AGAP1: variants seen among roughly 807,000 people sequenced by gnomAD.
AGAP1 encodes the protein ArfGAP with GTPase domain, ankyrin repeat and PH domain 1, also known as arf-GAP with GTPase, ANK repeat and PH domain-containing protein 1.
A neutral mutation model predicts 105.3 loss-of-function variants in AGAP1; 29 were observed. The observed-to-expected ratio is 0.28, with a 90% CI of 0.21 to 0.38. The LOEUF (loss-of-function observed/expected upper bound fraction) is 0.38, where lower values mean the gene tolerates loss of function less well. Ranked by LOEUF, AGAP1 falls within the 10% of genes least tolerant of loss-of-function variation. AGAP1 has a pLI of 1.00. For synonymous variants in AGAP1, 509 were observed against 485.9 expected (o/e 1.05, Z -0.63); for missense variants, 998 against 1,165.1 (o/e 0.86, Z 2.09).
chr2:235,837,394 A>G (rs898467719), intron 9 of AGAP1, among the ~76,000 whole-genome samples: 4 of 152,260 alleles, frequency 2.6e-5, no homozygotes, highest in Non-Finnish European at 4.4e-5. Context: ...AAGGATCCAG[A>G]TACACAGTTG....
Position 235,535,280 on chromosome 2 carries a change from T to C in AGAP1, c.163+40431T>C, listed in dbSNP as rs747761351. Among the ~76,000 whole-genome samples, 2 of 152,172 alleles carry C rather than the reference T, an allele frequency of 1.3e-5. No homozygotes were observed. Among genetic ancestry groups the C allele is most frequent in the African/African-American group, 4.8e-5 (2 of 41,440 alleles). On this transcript the variant is annotated intron_variant, in intron 1 of 17. Transcript: ENST00000304032. This position sits in a 1 kb window ranked among gnomAD's most constrained non-coding sequence, Gnocchi z 5.1. ...GCCTCCCGTTTCATCTGCACGTCTC[T>C]TTCAATGCGGGCGTGCGAACTTCCA... is the stretch of plus-strand genomic sequence containing the variant.
In AGAP1 at chr2:235,883,540, T is replaced by A; in HGVS notation, c.1155+91T>A. 1.9e-6 allele frequency: 2 copies of A among 1,065,942 alleles called. No homozygotes were observed. 66.0% of individuals were successfully genotyped at this position (1,065,942 alleles called of 1,614,324 possible). A position where few individuals can be genotyped will look rare whatever the true frequency, so the allele number is the denominator to read the frequency against. ...AACCTACCAGCAGCCCAGCCTCTTG[T>A]CTCTGTTTGAAGTGAAAGTCGTATT... On this transcript the variant is annotated intron_variant, in intron 10 of 17. Coordinates refer to ENST00000304032, the MANE Select transcript of AGAP1 (RefSeq NM_001037131.3). This position sits in a 1 kb window ranked among gnomAD's most constrained non-coding sequence, Gnocchi z 4.5.
intron 1 of AGAP1, among the ~76,000 whole-genome samples, chr2:235,618,684 AATTATT>A (rs1237305597): frequency 2.0e-5 from 3 of 152,172 alleles, no homozygotes; most frequent in Non-Finnish European, 4.4e-5. Flanking sequence ...GGCTGTTAAT[AATTATT>A]ATTACTGAGC....
At chr2:235,496,763 GAA>G (rs10701236) in intron 1 of AGAP1, among the ~76,000 whole-genome samples, 169 of 150,598 alleles carry the variant, frequency 1.1e-3, no homozygotes, top group Non-Finnish European at 1.9e-3. Context: ...TCCCTTAAAA[GAA>G]AAAAAAAATG....
Position 235,884,452 on chromosome 2 carries a change from G to GTTTT in AGAP1, c.1155+1017_1155+1020dup, listed in dbSNP as rs35976413. 6.0e-3 allele frequency among the ~76,000 whole-genome samples: 743 copies of GTTTT among 124,634 alleles called. 19 individuals are homozygous for GTTTT. The highest frequency in any genetic ancestry group is 0.022 in the African/African-American group (693 of 31,914). 81.8% of individuals were successfully genotyped at this position (124,634 alleles called of 152,430 possible). ...CTGTTGTATTAGGTTATTTTTCACT[G>GTTTT]TTTTTTTTTTTTTTTTTGAGAGGAG... On this transcript the variant is annotated intron_variant, in intron 10 of 17. Coordinates refer to ENST00000304032, the MANE Select transcript of AGAP1 (RefSeq NM_001037131.3).
At chr2:235,897,654 A>G (rs895944254) in intron 10 of AGAP1, among the ~76,000 whole-genome samples, 2 of 152,192 alleles carry the variant, frequency 1.3e-5, no homozygotes, top group African/African-American at 4.8e-5. Context: ...ATTGAGGCCA[A>G]AAATTCTTAC....
intron 8 of AGAP1, among the ~76,000 whole-genome samples, chr2:235,803,042 G>T (rs1957635698): frequency 6.7e-6 from 1 of 148,890 alleles, no homozygotes; most frequent in Non-Finnish European, 1.5e-5. Context: ...TGATGGTGAT[G>T]ATGGTTGTGG....
intron 1 of AGAP1, among the ~76,000 whole-genome samples, chr2:235,656,274 T>C (rs1167563241): frequency 1.3e-5 from 2 of 152,244 alleles, no homozygotes; most frequent in African/African-American, 4.8e-5. Context: ...GTTTTAAGGC[T>C]ACGTTCAGAA....
chr2:236,106,490 T>C (rs1024046737), intron 16 of AGAP1, among the ~76,000 whole-genome samples: 5 of 152,214 alleles, frequency 3.3e-5, no homozygotes, highest in Non-Finnish European at 5.9e-5. Flanking sequence ...CTCTGTGTGA[T>C]GGGCACCACA....
Position 235,807,268 on chromosome 2 carries a change from G to A in AGAP1, c.987G>A (p.Glu329=), listed in dbSNP as rs1333663392. 6.2e-7 allele frequency: 1 copy of A among 1,608,518 alleles called. No homozygotes were observed. The highest frequency in any genetic ancestry group is 8.5e-7 in the Non-Finnish European group (1 of 1,178,602). The change falls in exon 9 of 18, where the codon GAG becomes GAA. Residue 329 remains glutamate, a synonymous_variant. Transcript: ENST00000304032. ...GGAAAGGGAGCGACCCAGACAAAGAGAAGAAAGGCCTGGAGAGTCGTGCGG... is the reference window on the plus strand; with the variant it reads ...GGAAAGGGAGCGACCCAGACAAAGAAAAGAAAGGCCTGGAGAGTCGTGCGG... The part of the protein sequence containing the change: ...TSRKGSDPDK[E]KKGLESRADS...
intron 9 of AGAP1, among the ~76,000 whole-genome samples, chr2:235,816,238 C>G (rs1050869150): frequency 1.3e-5 from 2 of 151,046 alleles, no homozygotes; most frequent in South Asian, 2.1e-4. Flanking sequence ...GAGATCGAGA[C>G]CATCCTGACT....
intron 1 of AGAP1, among the ~76,000 whole-genome samples, chr2:235,595,379 A>G (rs1945492282): frequency 6.6e-6 from 1 of 152,172 alleles, no homozygotes; most frequent in South Asian, 2.1e-4. Context: ...GGGCACTGAA[A>G]TACATTCTCA....
rs2051019559 is a variant in AGAP1, at chr2:235,900,571, A to G, written c.1156-8167A>G. ...GAATCCTGGCAATGGGAAAAACAAT[A>G]CCATATATTGGACACTGATTCAGAG... On this transcript the variant is annotated intron_variant, in intron 10 of 17. Transcript: ENST00000304032. This position sits in a 1 kb window ranked among gnomAD's most constrained non-coding sequence, Gnocchi z 5.5. Among the ~76,000 whole-genome samples the G allele has an allele frequency of 6.6e-6, 1 of 151,612 alleles. No individual in the cohort carries two copies. The highest frequency in any genetic ancestry group is 2.4e-5 in the African/African-American group (1 of 41,242).
At chr2:235,837,292 GT>G (rs201159113) in intron 9 of AGAP1, among the ~76,000 whole-genome samples, 5 of 151,512 alleles carry the variant, frequency 3.3e-5, no homozygotes, top group Admixed American at 6.6e-5. Context: ...GCCTTCAAGG[GT>G]TTTTTTTTGA....
chr2:235,877,849 A>G lies in AGAP1; in HGVS notation c.1051-5496A>G, dbSNP rs1043607727. Among the ~76,000 whole-genome samples the G allele has an allele frequency of 2.6e-5, 4 of 152,174 alleles. No homozygotes were observed. The highest frequency in any genetic ancestry group is 5.9e-5 in the Non-Finnish European group (4 of 68,028). ...CAACCACTGGTCTAAAGTGGGCCAC[A>G]CTTTGAGCTGGAAAGTGCTTCCGTC... On this transcript the variant is annotated intron_variant, in intron 9 of 17. Coordinates refer to ENST00000304032, the MANE Select transcript of AGAP1 (RefSeq NM_001037131.3). The surrounding 1 kb of genome is among the most constrained non-coding windows in gnomAD (Gnocchi z 4.3).
At position 235,701,315 on chromosome 2, in the gene AGAP1, T is replaced by C. The variant is rs1314738141; in HGVS notation, c.164-7864T>C. On this transcript the variant is annotated intron_variant, in intron 1 of 17. Transcript: ENST00000304032. The surrounding 1 kb of genome is among the most constrained non-coding windows in gnomAD (Gnocchi z 4.1). ...AGGACCCAGTCAAATGCTGACGTTG[T>C]TGTGACAGATTCTAAGTCGCCTCAG... is the stretch of plus-strand genomic sequence containing the variant. Among the ~76,000 whole-genome samples the C allele has an allele frequency of 6.6e-6, 1 of 152,094 alleles. No homozygotes were observed. The highest frequency in any genetic ancestry group is 2.4e-5 in the African/African-American group (1 of 41,408).
chr2:235,869,420 T>TAAA (rs35813316), intron 9 of AGAP1, among the ~76,000 whole-genome samples: 8,662 of 49,942 alleles, frequency 0.17, 1,352 homozygotes, highest in South Asian at 0.36. Flanking sequence ...CCATCTCTAC[T>TAAA]AAAAAAAAAA....
chr2:236,117,231 T>TTCCCTG (rs2059792310), intron 16 of AGAP1, among the ~76,000 whole-genome samples: 2 of 152,210 alleles, frequency 1.3e-5, no homozygotes, highest in South Asian at 4.1e-4. Flanking sequence ...CGTAGAAGTG[T>TTCCCTG]TCCCTGTACA....
In AGAP1 at chr2:235,964,607, C is replaced by G. The variant is rs913934003; in HGVS notation, c.1484-3855C>G. On this transcript the variant is annotated intron_variant, in intron 12 of 17. Transcript: ENST00000304032. The surrounding 1 kb of genome is among the most constrained non-coding windows in gnomAD (Gnocchi z 4.6). ...CTTGGGGTCTCTGGATGCCCCACCC[C>G]CTGAACGTTATGAGGCTTCTGAACA... Among the ~76,000 whole-genome samples, 1 of 152,112 alleles carries G rather than the reference C, an allele frequency of 6.6e-6. No homozygotes were observed. Among genetic ancestry groups the G allele is most frequent in the Non-Finnish European group, 1.5e-5 (1 of 68,026 alleles).
Sources: gnomAD v4.1 joint callset for allele counts (sites outside exome capture counted in the v4.1 genomes callset) on GRCh38, gnomAD v4.1.1 for gene constraint, Gnocchi (gnomAD v3.1) non-coding constraint, MANE v1.5 for transcripts, NCBI Gene and HGNC (gene_info 2026-07-23, HGNC 2026-07-21) for gene names.